Variants in GRID2 observed in about 807,000 individuals in gnomAD.
GRID2 encodes the protein glutamate receptor ionotropic, delta-2.
In GRID2, 33 loss-of-function variants were observed where a neutral mutation model predicts 114.8. The observed-to-expected ratio is 0.29, with a 90% CI of 0.22 to 0.38. The LOEUF (loss-of-function observed/expected upper bound fraction) is 0.38. GRID2 is among the 10% of genes least tolerant of loss of function. The pLI is 1.00. For missense variants in GRID2, 1,184 were observed against 1,257.7 expected (o/e 0.94, Z 0.89); for synonymous variants, 505 against 449.9 (o/e 1.12, Z -1.55).
At chr4:93,806,185 C>G (rs971736856) in intron 1 of GRID2, among the ~76,000 whole-genome samples, 1 of 152,168 alleles carries the variant, frequency 6.6e-6, no homozygotes, top group African/African-American at 2.4e-5. Context: ...TGATTATAAA[C>G]ATAGTACAAT....
At chr4:93,360,173 GA>G (rs1330481174) in intron 8 of GRID2, among the ~76,000 whole-genome samples, 1 of 151,654 alleles carries the variant, frequency 6.6e-6, no homozygotes, top group Non-Finnish European at 1.5e-5. Flanking sequence ...GGTCTTATAA[GA>G]AACTTGTTCA....
chr4:92,545,125 A>G (rs1460741088), intron 1 of GRID2, among the ~76,000 whole-genome samples: 1 of 152,098 alleles, frequency 6.6e-6, no homozygotes, highest in Non-Finnish European at 1.5e-5. Context: ...GCTGACTTTT[A>G]GCTTCAAACT....
In GRID2 at chr4:92,750,268, C is replaced by A. The variant is rs533791683; in HGVS notation, c.244+159982C>A. On this transcript the variant is annotated intron_variant, in intron 2 of 15. Transcript: ENST00000282020. ...TATCCGCTGAACCCAGTATCTGTTA[C>A]TATCTCATTCAGCTAGAAATACTTC... is the stretch of plus-strand genomic sequence containing the variant. Among the ~76,000 whole-genome samples, 35 of 152,312 alleles carry A rather than the reference C, an allele frequency of 2.3e-4. 1 individual carries two copies. In the South Asian group the frequency reaches 7.2e-3, roughly 32 times the overall value.
At chr4:93,700,015 A>G (rs971084298) in intron 14 of GRID2, among the ~76,000 whole-genome samples, 1 of 152,166 alleles carries the variant, frequency 6.6e-6, no homozygotes, top group Admixed American at 6.6e-5. Context: ...TGTATGACAC[A>G]GTGGAGGCCA....
chr4:93,150,792 G>A (rs1356343994), intron 4 of GRID2, among the ~76,000 whole-genome samples: 1 of 151,874 alleles, frequency 6.6e-6, no homozygotes, highest in East Asian at 1.9e-4. Context: ...CCTGGTCTAG[G>A]GCATGTAGAA....
At chr4:93,267,681 A>G (rs1226615919) in intron 8 of GRID2, among the ~76,000 whole-genome samples, 1 of 152,184 alleles carries the variant, frequency 6.6e-6, no homozygotes, top group African/African-American at 2.4e-5. Context: ...GTCCAGTCCC[A>G]CAAAGGGGAA....
chr4:93,301,049 T>C (rs963977925), intron 8 of GRID2, among the ~76,000 whole-genome samples: 1 of 152,244 alleles, frequency 6.6e-6, no homozygotes, highest in African/African-American at 2.4e-5. Context: ...CCGGGCTGCC[T>C]GTCTTTGGTT....
intron 9 of GRID2, among the ~76,000 whole-genome samples, chr4:93,415,463 G>A (rs1270987547): frequency 1.3e-5 from 2 of 151,994 alleles, no homozygotes; most frequent in Non-Finnish European, 2.9e-5. Flanking sequence ...TGAGAGTTTG[G>A]TATTTTTCAG....
At chr4:93,402,542 A>G (rs1765997346) in intron 9 of GRID2, among the ~76,000 whole-genome samples, 1 of 152,064 alleles carries the variant, frequency 6.6e-6, no homozygotes, top group Non-Finnish European at 1.5e-5. Context: ...TTTGTGGGAG[A>G]TTGGAGGACT....
intron 2 of GRID2, among the ~76,000 whole-genome samples, chr4:92,731,001 A>C (rs979903022): frequency 5.9e-5 from 9 of 152,038 alleles, no homozygotes; most frequent in Admixed American, 2.0e-4. Context: ...GCAAGTAAAT[A>C]AAATACTAAT....
chr4:92,991,990 C>T (rs944161602), intron 2 of GRID2, among the ~76,000 whole-genome samples: 1 of 152,084 alleles, frequency 6.6e-6, no homozygotes, highest in Non-Finnish European at 1.5e-5. Flanking sequence ...GGTACATTGG[C>T]AAAGGTAAAT....
intron 13 of GRID2, among the ~76,000 whole-genome samples, chr4:93,625,554 C>T (rs767124868): frequency 6.6e-6 from 1 of 152,190 alleles, no homozygotes; most frequent in Non-Finnish European, 1.5e-5. Flanking sequence ...CAGATTCAAC[C>T]AGCCATGAAC....
chr4:93,397,231 A>C (rs2149332351), intron 9 of GRID2, among the ~76,000 whole-genome samples: 1 of 152,066 alleles, frequency 6.6e-6, no homozygotes, highest in Admixed American at 6.6e-5. Flanking sequence ...ATTCCTAGTT[A>C]TTATTTTTAA....
chr4:93,279,750 CAGG>C (rs1382734385), intron 8 of GRID2, among the ~76,000 whole-genome samples: 1 of 151,790 alleles, frequency 6.6e-6, no homozygotes, highest in Non-Finnish European at 1.5e-5. Context: ...TTAAGAATGG[CAGG>C]TTAATTCTGA....
intron 8 of GRID2, among the ~76,000 whole-genome samples, chr4:93,368,134 G>A (rs879543599): frequency 6.6e-6 from 1 of 152,048 alleles, no homozygotes; most frequent in Non-Finnish European, 1.5e-5. Flanking sequence ...ATCTCAGTAA[G>A]GCTAGAACAT....
intron 1 of GRID2, among the ~76,000 whole-genome samples, chr4:92,585,237 C>A (rs1461645747): frequency 6.6e-6 from 1 of 151,804 alleles, no homozygotes; most frequent in Non-Finnish European, 1.5e-5. Context: ...TGAGAGCATG[C>A]ACAAAAGAAT....
intron 2 of GRID2, among the ~76,000 whole-genome samples, chr4:92,652,344 A>G (rs906908345): frequency 3.3e-5 from 5 of 151,998 alleles, no homozygotes; most frequent in African/African-American, 1.2e-4. Flanking sequence ...AGCCTAGTCA[A>G]GTTGACACAT....
At chr4:93,414,685 T>TTATATATATATATATATATATGTATA (rs34416042) in intron 9 of GRID2, among the ~76,000 whole-genome samples, 1 of 140,518 alleles carries the variant, frequency 7.1e-6, no homozygotes, top group Admixed American at 7.0e-5. Context: ...ATCTGACATT[T>TTATATATATATATATATATATGTATA]TATATATATA....
chr4:92,370,709 T>C (rs973874556), intron 1 of GRID2, among the ~76,000 whole-genome samples: 1 of 152,138 alleles, frequency 6.6e-6, no homozygotes, highest in African/African-American at 2.4e-5. Flanking sequence ...AGAGTAAGCT[T>C]AGTGAGGAAG....
Sources: gnomAD v4.1 joint callset for allele counts (sites outside exome capture counted in the v4.1 genomes callset) on GRCh38, gnomAD v4.1.1 for gene constraint, MANE v1.5 for transcripts, NCBI Gene and HGNC (gene_info 2026-07-23, HGNC 2026-07-21) for gene names.